Variants in TEX10 observed in about 807,000 individuals in gnomAD.
TEX10 encodes the protein testis-expressed protein 10.
TEX10 carries 24 observed loss-of-function variants against 104.4 expected under a neutral mutation model. That is an observed-to-expected ratio of 0.23 (90% CI 0.17 to 0.32). The LOEUF is 0.32. Among genes scored for constraint, TEX10 ranks in the 10% least tolerant of loss-of-function variants. The pLI is 1.00. For synonymous variants in TEX10, 396 were observed against 393.4 expected (o/e 1.01, Z -0.08); for missense variants, 921 against 1,083.9 (o/e 0.85, Z 2.11).
intron 4 of TEX10, among the ~76,000 whole-genome samples, chr9:100,343,932 G>A (rs1835236808): frequency 2.0e-5 from 3 of 152,150 alleles, no homozygotes. Context: ...GATATTTAAG[G>A]CCAGAAGTTC....
chr9:100,323,328 A>C (rs1834620444), intron 9 of TEX10, among the ~76,000 whole-genome samples: 1 of 152,198 alleles, frequency 6.6e-6, no homozygotes, highest in Admixed American at 6.5e-5. Flanking sequence ...AAAGGAGTAA[A>C]ATGGAACTGT....
rs773267495 is a variant in TEX10, at chr9:100,321,771, T to C, written c.1980A>G (p.Arg660=). The C allele has an allele frequency of 2.8e-5, 45 of 1,610,756 alleles. 1 individual carries two copies. The East Asian group carries it at 5.6e-4, about 20-fold the overall frequency. Residue 660 remains arginine, a splice_region_variant and synonymous_variant, in exon 10 of 15, where the codon AGA becomes AGG. Coordinates refer to ENST00000374902, the MANE Select transcript of TEX10 (RefSeq NM_017746.4). ...AATACTTCCACCCAGAAAATGATGA[T>C]CTATAAAAAACAAAGGGAGAACTAT... ...AAMLIGILHM[R]SSFSGWKYSA...
intron 10 of TEX10, 125 bp downstream of exon 10, chr9:100,321,557 AC>A: frequency 1.4e-6 from 1 of 696,446 alleles, no homozygotes; most frequent in Non-Finnish European, 2.4e-6. Context: ...CACAAAAATC[AC>A]TCCAAGATAG....
intron 5 of TEX10, among the ~76,000 whole-genome samples, chr9:100,336,555 T>C (rs1024056605): frequency 5.3e-5 from 8 of 152,172 alleles, no homozygotes; most frequent in African/African-American, 1.4e-4. Flanking sequence ...TAAGACTGTC[T>C]AGTTGCAGGA....
At chr9:100,313,222 T>A (rs965598442) in intron 11 of TEX10, among the ~76,000 whole-genome samples, 9 of 152,014 alleles carry the variant, frequency 5.9e-5, no homozygotes, top group Non-Finnish European at 1.0e-4. Flanking sequence ...CTTTCAACAT[T>A]AAGAAATAGT....
intron 13 of TEX10, chr9:100,306,321 G>A (rs1834143712): frequency 6.6e-6 from 1 of 152,142 alleles, no homozygotes; most frequent in Admixed American, 6.5e-5. Context: ...CATTACAGAA[G>A]CACACTATGT....
At chr9:100,316,841 T>C (rs1454180516) in intron 11 of TEX10, among the ~76,000 whole-genome samples, 2 of 129,802 alleles carry the variant, frequency 1.5e-5, no homozygotes, top group African/African-American at 6.0e-5. Context: ...CATTTCTATA[T>C]ACCAATAACT....
At chr9:100,334,613 C>T (rs953849496) in intron 5 of TEX10, among the ~76,000 whole-genome samples, 1 of 151,430 alleles carries the variant, frequency 6.6e-6, no homozygotes, top group East Asian at 1.9e-4. Context: ...CAAATTTTAT[C>T]ATTGGCAACA....
chr9:100,317,802 C>T (rs1411477248), intron 11 of TEX10, among the ~76,000 whole-genome samples: 3 of 151,868 alleles, frequency 2.0e-5, no homozygotes, highest in Non-Finnish European at 4.4e-5. Context: ...CAAATAACCC[C>T]GTTAAAAAGT....
chr9:100,335,292 T>C lies in TEX10; in HGVS notation c.1250+4965A>G, dbSNP rs141813435. 4.4e-3 allele frequency among the ~76,000 whole-genome samples: 658 copies of C among 150,626 alleles called. 4 individuals are homozygous for C. The highest frequency in any genetic ancestry group is 0.015 in the African/African-American group (633 of 40,920). On this transcript the variant is annotated intron_variant, in intron 5 of 14. Coordinates refer to ENST00000374902, the MANE Select transcript of TEX10 (RefSeq NM_017746.4). ...ATCTCGGCTCACTGCAACCTTCATC[T>C]TCAGGGATCAAGCAATTTTCCTGCC... is the stretch of plus-strand genomic sequence containing the variant.
intron 11 of TEX10, among the ~76,000 whole-genome samples, chr9:100,311,730 A>G (rs923384689): frequency 2.6e-5 from 4 of 152,252 alleles, no homozygotes; most frequent in Admixed American, 1.3e-4. Flanking sequence ...CTAAGTTCTC[A>G]GAAAAACAAG....
At chr9:100,309,649 G>C (rs765133610) in intron 12 of TEX10, among the ~76,000 whole-genome samples, 1 of 152,188 alleles carries the variant, frequency 6.6e-6, no homozygotes, top group Non-Finnish European at 1.5e-5. Context: ...AAGAGAAAAA[G>C]GAGTCTGGAT....
intron 4 of TEX10, among the ~76,000 whole-genome samples, chr9:100,341,643 A>G (rs1236277221): frequency 6.6e-6 from 1 of 152,146 alleles, no homozygotes; most frequent in African/African-American, 2.4e-5. Flanking sequence ...GGATTACTGC[A>G]ATAGCCTCCT....
Position 100,310,524 on chromosome 9 carries a change from C to T in TEX10, c.2203-145G>A, listed in dbSNP as rs1378628323. On this transcript the variant is annotated intron_variant, in intron 11 of 14. Transcript: ENST00000374902. ...TGCAGTCTCAGCTCACCGCAACCCCCGTGACCTGGCTCAAGCAATCCTCTG... is the reference window on the plus strand; with the variant it reads ...TGCAGTCTCAGCTCACCGCAACCCCTGTGACCTGGCTCAAGCAATCCTCTG... 16 of 690,698 alleles carry T rather than the reference C, an allele frequency of 2.3e-5. No individual in the cohort carries two copies. In the East Asian group the frequency reaches 2.9e-4, roughly 12 times the overall value. 42.8% of individuals were successfully genotyped at this position (690,698 alleles called of 1,614,324 possible). A position where few individuals can be genotyped will look rare whatever the true frequency, so the allele number is the denominator to read the frequency against.
At chr9:100,323,453 G>A (rs758098521) in intron 9 of TEX10, among the ~76,000 whole-genome samples, 7 of 152,116 alleles carry the variant, frequency 4.6e-5, no homozygotes, top group East Asian at 1.9e-4. Context: ...GCATCTTTCC[G>A]TATTTATGCT....
At chr9:100,314,174 A>C (rs1834354192) in intron 11 of TEX10, among the ~76,000 whole-genome samples, 1 of 145,174 alleles carries the variant, frequency 6.9e-6, no homozygotes, top group African/African-American at 2.6e-5. Context: ...TGCAACCTCC[A>C]CCTCCTGGCT....
chr9:100,315,372 T>C (rs1834391055), intron 11 of TEX10, among the ~76,000 whole-genome samples: 1 of 152,184 alleles, frequency 6.6e-6, no homozygotes, highest in Non-Finnish European at 1.5e-5. Context: ...CCACTATTAT[T>C]GTATTGCTAT....
chr9:100,321,603 T>C (rs759555150), intron 10 of TEX10, 80 bp downstream of exon 10: 101 of 1,195,228 alleles, frequency 8.5e-5, no homozygotes, highest in Non-Finnish European at 1.1e-4. Flanking sequence ...ACCAAACTGA[T>C]AAAATGGCAA....
intron 4 of TEX10, among the ~76,000 whole-genome samples, chr9:100,341,586 C>A (rs1369075422): frequency 1.3e-5 from 2 of 152,088 alleles, no homozygotes; most frequent in Non-Finnish European, 2.9e-5. Context: ...CCAGCTAGTT[C>A]TCATCATTTC....
Sources: gnomAD v4.1 joint callset for allele counts (sites outside exome capture counted in the v4.1 genomes callset) on GRCh38, gnomAD v4.1.1 for gene constraint, MANE v1.5 for transcripts, NCBI Gene and HGNC (gene_info 2026-07-23, HGNC 2026-07-21) for gene names.